Variants in RPRD1B observed in about 807,000 individuals in gnomAD.
RPRD1B encodes the protein regulation of nuclear pre-mRNA domain containing 1B.
A neutral mutation model predicts 41.5 loss-of-function variants in RPRD1B; 11 were observed. The observed-to-expected ratio is 0.27, with a 90% CI of 0.17 to 0.44. The LOEUF is 0.44. Ranked by LOEUF, RPRD1B falls within the 20% of genes least tolerant of loss-of-function variation. The probability of loss-of-function intolerance (pLI) is 1.00; values close to 1 mark genes in which losing one functional copy is unlikely to be tolerated. For synonymous variants in RPRD1B, 158 were observed against 155.6 expected (o/e 1.02, Z -0.12); for missense variants, 248 against 389.9 (o/e 0.64, Z 3.06).
intron 6 of RPRD1B, among the ~76,000 whole-genome samples, chr20:38,069,818 G>A (rs1177613479): frequency 6.6e-6 from 1 of 152,180 alleles, no homozygotes; most frequent in Admixed American, 6.5e-5. Flanking sequence ...TTGATCAGAT[G>A]CTTATTAAAA....
intron 6 of RPRD1B, among the ~76,000 whole-genome samples, chr20:38,080,611 C>T (rs1406943186): frequency 1.3e-5 from 2 of 152,156 alleles, no homozygotes; most frequent in Non-Finnish European, 2.9e-5. Context: ...CTGCAACCTC[C>T]GCCTCCCAGA....
chr20:38,064,332 C>A (rs866487788), intron 5 of RPRD1B, among the ~76,000 whole-genome samples: 1 of 152,180 alleles, frequency 6.6e-6, no homozygotes, highest in Non-Finnish European at 1.5e-5. Flanking sequence ...AAGAAGGCAT[C>A]GAAAAGCCAG....
intron 6 of RPRD1B, among the ~76,000 whole-genome samples, chr20:38,068,400 G>C (rs2074379401): frequency 6.6e-6 from 1 of 152,118 alleles, no homozygotes; most frequent in African/African-American, 2.4e-5. Flanking sequence ...TACAGTATAA[G>C]GTTTTTTTCT....
At position 38,092,227 on chromosome 20, in the gene RPRD1B, T is replaced by G. The variant is rs1302886244; in HGVS notation, c.*2352T>G. ...CTTGTTTTTGTTTGTTTGTTTTTCT[T>G]AAAGAATATTTTCAAAGCTTAAATT... On this transcript the variant is annotated 3_prime_UTR_variant, in exon 7 of 7. Coordinates refer to ENST00000373433, the MANE Select transcript of RPRD1B (RefSeq NM_021215.4). 2.0e-6 allele frequency: 2 copies of G among 985,252 alleles called. No homozygotes were observed. Among genetic ancestry groups the G allele is most frequent in the Non-Finnish European group, 2.4e-6 (2 of 829,504 alleles). 61.0% of individuals were successfully genotyped at this position (985,252 alleles called of 1,614,324 possible).
At chr20:38,051,564 T>G (rs900232961) in intron 3 of RPRD1B, among the ~76,000 whole-genome samples, 5 of 152,236 alleles carry the variant, frequency 3.3e-5, no homozygotes, top group Non-Finnish European at 5.9e-5. Context: ...CAGAGAGAGA[T>G]AATTGGTAAG....
chr20:38,071,663 G>C (rs1271836390), intron 6 of RPRD1B, among the ~76,000 whole-genome samples: 1 of 152,182 alleles, frequency 6.6e-6, no homozygotes, highest in African/African-American at 2.4e-5. Context: ...CTAGCAATGT[G>C]CGTGGGTTCC....
rs1235225226 is a variant in RPRD1B at position 38,089,903 on chromosome 20, T to G, written c.*28T>G. On this transcript the variant is annotated 3_prime_UTR_variant, in exon 7 of 7. Coordinates refer to ENST00000373433, the MANE Select transcript of RPRD1B (RefSeq NM_021215.4). ...TGGGTGTCATGTCCCAGATTTCTGT[T>G]TGTACCAGCAGAAAGAAGAGGGCAA... 1 of 1,606,262 alleles carries G rather than the reference T, an allele frequency of 6.2e-7. No individual in the cohort carries two copies. Among genetic ancestry groups the G allele is most frequent in the Non-Finnish European group, 8.5e-7 (1 of 1,176,308 alleles).
At chr20:38,044,052 A>T (rs1027084267) in intron 2 of RPRD1B, among the ~76,000 whole-genome samples, 3 of 152,114 alleles carry the variant, frequency 2.0e-5, no homozygotes, top group African/African-American at 7.2e-5. Flanking sequence ...CCCTAGAATG[A>T]CTCACAGGGC....
At chr20:38,089,040 C>G (rs1340546886) in intron 6 of RPRD1B, among the ~76,000 whole-genome samples, 1 of 152,188 alleles carries the variant, frequency 6.6e-6, no homozygotes, top group Non-Finnish European at 1.5e-5. Context: ...ACCTTGAACT[C>G]TGCTCTGAAG....
intron 6 of RPRD1B, among the ~76,000 whole-genome samples, chr20:38,073,796 G>A (rs1329633035): frequency 5.3e-5 from 8 of 152,192 alleles, no homozygotes; most frequent in African/African-American, 1.7e-4. Context: ...TTGGGTTTAT[G>A]TGAACACTTC....
At chr20:38,060,638 G>A (rs1392315268) in intron 5 of RPRD1B, among the ~76,000 whole-genome samples, 5 of 152,144 alleles carry the variant, frequency 3.3e-5, no homozygotes, top group African/African-American at 7.2e-5. Context: ...AGTGGAAGCA[G>A]CACAGGGAAA....
At chr20:38,050,800 CTAAAGA>C (rs1483449714) in intron 3 of RPRD1B, among the ~76,000 whole-genome samples, 1 of 152,220 alleles carries the variant, frequency 6.6e-6, no homozygotes. Flanking sequence ...TAATGCTAAT[CTAAAGA>C]TAATTTCTCT....
chr20:38,085,867 G>C (rs974694828), intron 6 of RPRD1B, among the ~76,000 whole-genome samples: 1 of 148,994 alleles, frequency 6.7e-6, no homozygotes, highest in Non-Finnish European at 1.5e-5. Context: ...TTTGAGACAG[G>C]GTCTCACTCT....
In RPRD1B at chr20:38,091,031, G is replaced by C. The variant is rs534617634; in HGVS notation, c.*1156G>C. 1.8e-3 allele frequency: 1,763 copies of C among 985,622 alleles called. 1 individual carries two copies. Among genetic ancestry groups the C allele is most frequent in the Non-Finnish European group, 2.1e-3 (1,705 of 829,898 alleles). The allele number at this position is 985,622 out of a possible 1,614,324, so 61.1% of individuals were successfully genotyped here. ...TTGGGGGTTTTAATTCTATTATCAT[G>C]TCAGCTGACATTATGACTATATAAT... is the stretch of plus-strand genomic sequence containing the variant. On this transcript the variant is annotated 3_prime_UTR_variant, in exon 7 of 7. Transcript: ENST00000373433.
At chr20:38,050,461 C>G (rs1012566679) in intron 3 of RPRD1B, among the ~76,000 whole-genome samples, 3 of 152,178 alleles carry the variant, frequency 2.0e-5, no homozygotes, top group African/African-American at 7.2e-5. Context: ...ACTCAGCATT[C>G]TTTACTCTGC....
chr20:38,056,847 G>A (rs2074247071), intron 3 of RPRD1B, among the ~76,000 whole-genome samples: 1 of 152,106 alleles, frequency 6.6e-6, no homozygotes, highest in Non-Finnish European at 1.5e-5. Flanking sequence ...CATTTATTTT[G>A]TATTGTCTAA....
intron 5 of RPRD1B, among the ~76,000 whole-genome samples, chr20:38,060,794 C>T (rs2074289579): frequency 6.6e-6 from 1 of 152,158 alleles, no homozygotes; most frequent in Non-Finnish European, 1.5e-5. Flanking sequence ...TCCTCCCCCA[C>T]CTCTTCCTAG....
chr20:38,048,069 T>G lies in RPRD1B; in HGVS notation c.282-279T>G, dbSNP rs1181127612. Among the ~76,000 whole-genome samples the G allele has an allele frequency of 3.9e-5, 6 of 152,352 alleles. No homozygotes were observed. In the East Asian group the frequency reaches 1.2e-3, roughly 29 times the overall value. ...TTCTTAAAAAGCAAGCTATCACAACTGATAAGATGGAGTTTTGATAATTTT... is the reference window on the plus strand; with the variant it reads ...TTCTTAAAAAGCAAGCTATCACAACGGATAAGATGGAGTTTTGATAATTTT... On this transcript the variant is annotated intron_variant, in intron 2 of 6. Coordinates refer to ENST00000373433, the MANE Select transcript of RPRD1B (RefSeq NM_021215.4).
At chr20:38,061,209 G>A (rs1170765212) in intron 5 of RPRD1B, among the ~76,000 whole-genome samples, 1 of 152,180 alleles carries the variant, frequency 6.6e-6, no homozygotes, top group Non-Finnish European at 1.5e-5. Context: ...TTCTCATGTT[G>A]TTATACAACC....
Sources: gnomAD v4.1 joint callset for allele counts (sites outside exome capture counted in the v4.1 genomes callset) on GRCh38, gnomAD v4.1.1 for gene constraint, MANE v1.5 for transcripts, NCBI Gene and HGNC (gene_info 2026-07-23, HGNC 2026-07-21) for gene names.